Variants in CFAP221 observed in about 807,000 individuals in gnomAD.
CFAP221 encodes the protein cilia- and flagella-associated protein 221.
A neutral mutation model predicts 113.1 loss-of-function variants in CFAP221; 97 were observed. That is an observed-to-expected ratio of 0.86 (90% CI 0.73 to 1.02). The LOEUF (loss-of-function observed/expected upper bound fraction) is 1.02. CFAP221 is among the 50% of genes least tolerant of loss of function. CFAP221 has a pLI of 0.00. For synonymous variants in CFAP221, 331 were observed against 354.4 expected (o/e 0.93, Z 0.74); for missense variants, 1,025 against 1,013.4 (o/e 1.01, Z -0.16).
intron 2 of CFAP221, among the ~76,000 whole-genome samples, chr2:119,548,421 A>G (rs1169874841): frequency 6.6e-6 from 1 of 152,198 alleles, no homozygotes; most frequent in Non-Finnish European, 1.5e-5. Context: ...ACTTACATAG[A>G]GTGGGTTCTC....
intron 13 of CFAP221, among the ~76,000 whole-genome samples, chr2:119,612,090 T>C (rs184623834): frequency 1.5e-3 from 225 of 152,244 alleles, no homozygotes; most frequent in Non-Finnish European, 2.7e-3. Context: ...CTTCCCTTGG[T>C]AGAAAGGATA....
chr2:119,604,112 A>G (rs1684553231), intron 8 of CFAP221, among the ~76,000 whole-genome samples: 1 of 152,186 alleles, frequency 6.6e-6, no homozygotes, highest in South Asian at 2.1e-4. Flanking sequence ...ATTATGCTAG[A>G]CCTTGAGAGC....
chr2:119,625,956 T>G (rs561543783), intron 15 of CFAP221, among the ~76,000 whole-genome samples: 1 of 152,152 alleles, frequency 6.6e-6, no homozygotes, highest in Admixed American at 6.5e-5. Context: ...CCTTTTAAAC[T>G]TAATGGCTTA....
chr2:119,611,048 C>T (rs939731604), intron 12 of CFAP221, among the ~76,000 whole-genome samples: 3 of 152,066 alleles, frequency 2.0e-5, no homozygotes, highest in Non-Finnish European at 4.4e-5. Flanking sequence ...TCCGGGGAAC[C>T]GCAGGTTGCT....
intron 19 of CFAP221, 199 bp from the exon 20 acceptor site, chr2:119,638,060 A>G (rs1208018648): frequency 4.9e-6 from 2 of 404,552 alleles, no homozygotes; most frequent in Non-Finnish European, 4.4e-6. Flanking sequence ...AGTGACATTT[A>G]TGAATGACTA....
chr2:119,620,230 A>G (rs1276764623), intron 14 of CFAP221, among the ~76,000 whole-genome samples: 1 of 152,178 alleles, frequency 6.6e-6, no homozygotes, highest in Non-Finnish European at 1.5e-5. Context: ...AAATTCAGGA[A>G]ATACAGAGAA....
chr2:119,588,521 G>T (rs945195635), intron 7 of CFAP221, among the ~76,000 whole-genome samples: 6 of 152,088 alleles, frequency 3.9e-5, no homozygotes, highest in African/African-American at 1.4e-4. Context: ...CAAAATCAGG[G>T]TACTATATAG....
chr2:119,556,615 G>A (rs565585839), intron 3 of CFAP221, among the ~76,000 whole-genome samples: 37 of 149,770 alleles, frequency 2.5e-4, no homozygotes, highest in South Asian at 1.7e-3. Context: ...GTGCAATGGC[G>A]CGATCTCAGC....
rs1240171576 is a variant in CFAP221, at chr2:119,615,712, A to G, written c.1410+3A>G. 1.3e-6 allele frequency: 2 copies of G among 1,598,948 alleles called. No individual in the cohort carries two copies. Among genetic ancestry groups the G allele is most frequent in the Non-Finnish European group, 1.7e-6 (2 of 1,168,368 alleles). ...GGTTTCAACAAGTAGCACGCAAGGT[A>G]AGTCTCAGCACCAGCTGGAAATGTT... On this transcript the variant is annotated splice_donor_region_variant and intron_variant, in intron 14 of 23. Transcript: ENST00000413369.
At chr2:119,584,114 A>G (rs964294159) in intron 6 of CFAP221, among the ~76,000 whole-genome samples, 3 of 152,356 alleles carry the variant, frequency 2.0e-5, no homozygotes, top group East Asian at 3.9e-4. Context: ...AATTAGAGAC[A>G]TACCATGTTT....
chr2:119,638,525 G>A (rs2104785185), intron 20 of CFAP221, 108 bp downstream of exon 20: 1 of 1,389,522 alleles, frequency 7.2e-7, no homozygotes. Flanking sequence ...TGCCGCCACA[G>A]CTGCAGAACA....
chr2:119,591,368 G>A (rs948625011), intron 7 of CFAP221, among the ~76,000 whole-genome samples: 1 of 151,070 alleles, frequency 6.6e-6, no homozygotes, highest in Non-Finnish European at 1.5e-5. Flanking sequence ...AAGCTGGACA[G>A]ACAGGTGGCA....
chr2:119,641,674 G>T (rs915791804), intron 21 of CFAP221, among the ~76,000 whole-genome samples: 5 of 152,170 alleles, frequency 3.3e-5, no homozygotes, highest in Admixed American at 2.6e-4. Flanking sequence ...CATCATGCCT[G>T]GTGCATGCTT....
At chr2:119,592,714 C>G (rs1396401959) in intron 7 of CFAP221, among the ~76,000 whole-genome samples, 2 of 152,208 alleles carry the variant, frequency 1.3e-5, no homozygotes, top group Non-Finnish European at 2.9e-5. Flanking sequence ...GACAGTGTCT[C>G]TCTGCTGTCT....
At chr2:119,574,247 AG>A (rs1682274013) in intron 6 of CFAP221, among the ~76,000 whole-genome samples, 1 of 143,750 alleles carries the variant, frequency 7.0e-6, no homozygotes, top group African/African-American at 2.5e-5. Context: ...TGTATGTACC[AG>A]GGGCAGTGGT....
intron 20 of CFAP221, among the ~76,000 whole-genome samples, chr2:119,639,309 G>C (rs929953874): frequency 1.3e-5 from 2 of 152,154 alleles, no homozygotes; most frequent in African/African-American, 2.4e-5. Context: ...GACCTGCCTG[G>C]CTCTCCAGCC....
chr2:119,569,439 C>T (rs1026706365), intron 6 of CFAP221, among the ~76,000 whole-genome samples: 3 of 152,056 alleles, frequency 2.0e-5, no homozygotes, highest in African/African-American at 7.2e-5. Context: ...TTTTTTTTCT[C>T]TCTGGTTCTC....
intron 2 of CFAP221, among the ~76,000 whole-genome samples, chr2:119,547,757 GA>G (rs889572570): frequency 6.6e-6 from 1 of 152,022 alleles, no homozygotes; most frequent in African/African-American, 2.4e-5. Context: ...CTGGTGAGAA[GA>G]AAAAAACATC....
chr2:119,611,068 A>C (rs919692545), intron 12 of CFAP221, among the ~76,000 whole-genome samples: 3 of 152,094 alleles, frequency 2.0e-5, no homozygotes, highest in Non-Finnish European at 2.9e-5. Flanking sequence ...TTTCCAGCCC[A>C]GGAAGACCTG....
Sources: allele counts gnomAD v4.1 joint callset (sites outside exome capture counted in the v4.1 genomes callset), GRCh38; gene constraint gnomAD v4.1.1; transcripts MANE v1.5; gene names NCBI Gene and HGNC (gene_info 2026-07-23, HGNC 2026-07-21).